The following PCLO variants were observed in gnomAD, a reference collection of about 807,000 sequenced individuals.
The protein encoded by PCLO is piccolo presynaptic cytomatrix protein, also known as protein piccolo.
Under a neutral mutation model 427.5 loss-of-function variants are expected in PCLO, and 82 were observed. The ratio of observed to expected loss-of-function variants is 0.19; its 90% CI spans 0.16 to 0.23. The LOEUF is 0.23. Among genes scored for constraint, PCLO ranks in the 10% least tolerant of loss-of-function variants. The pLI, the probability that PCLO is intolerant of heterozygous loss-of-function variation, is 1.00. For synonymous variants in PCLO, 2,357 were observed against 2,155.4 expected, an observed-to-expected ratio of 1.09 and a Z score of -2.59; for missense variants, 6,239 against 6,115.9, an observed-to-expected ratio of 1.02 and a Z score of -0.67.
intron 3 of PCLO, among the ~76,000 whole-genome samples, chr7:83,082,117 AC>A (rs1204387107): frequency 6.9e-6 from 1 of 144,828 alleles, no homozygotes; most frequent in Admixed American, 6.9e-5. Context: ...CCTATACTAT[AC>A]ACACACACAC....
At chr7:82,935,194 TAAAAAAAAAAAA>T (rs528188502) in intron 6 of PCLO, among the ~76,000 whole-genome samples, 3 of 84,230 alleles carry the variant, frequency 3.6e-5, no homozygotes, top group Non-Finnish European at 7.0e-5. Context: ...CCTGGTATAC[TAAAAAAAAAAAA>T]AAAAAAAAAA....
intron 22 of PCLO, among the ~76,000 whole-genome samples, chr7:82,776,359 A>C (rs919260106): frequency 3.9e-5 from 6 of 152,164 alleles, no homozygotes; most frequent in Non-Finnish European, 5.9e-5. Context: ...TTGGGAGGCC[A>C]ACGCCAGCAG....
chr7:83,136,419 GCT>G (rs1791731280), intron 2 of PCLO, among the ~76,000 whole-genome samples: 1 of 151,976 alleles, frequency 6.6e-6, no homozygotes, highest in Non-Finnish European at 1.5e-5. Context: ...TCTATTGATG[GCT>G]CATAATCAAT....
chr7:83,036,443 C>T (rs1466804528), intron 3 of PCLO, among the ~76,000 whole-genome samples: 1 of 152,122 alleles, frequency 6.6e-6, no homozygotes, highest in Non-Finnish European at 1.5e-5. Context: ...CTAGATTAGG[C>T]TATCATCTAT....
intron 20 of PCLO, among the ~76,000 whole-genome samples, chr7:82,818,508 T>C (rs1791722662): frequency 6.6e-6 from 1 of 152,100 alleles, no homozygotes; most frequent in East Asian, 1.9e-4. Flanking sequence ...GCAGAGAGTA[T>C]AAATGGAATT....
chr7:83,038,029 A>ATATATC (rs1788855213), intron 3 of PCLO, among the ~76,000 whole-genome samples: 1 of 36,496 alleles, frequency 2.7e-5, no homozygotes, highest in African/African-American at 1.9e-4. Context: ...ATATATATAT[A>ATATATC]TTTATATATT....
At chr7:83,096,728 C>A (rs1790548234) in intron 3 of PCLO, among the ~76,000 whole-genome samples, 1 of 98,004 alleles carries the variant, frequency 1.0e-5, no homozygotes, top group African/African-American at 3.7e-5. Context: ...AAATGGAAAG[C>A]TCCAATCTTT....
At chr7:82,837,067 A>G (rs1296503369) in intron 15 of PCLO, among the ~76,000 whole-genome samples, 1 of 152,094 alleles carries the variant, frequency 6.6e-6, no homozygotes, top group African/African-American at 2.4e-5. Flanking sequence ...AGAGGCAACC[A>G]AACAATTATT....
intron 6 of PCLO, among the ~76,000 whole-genome samples, chr7:82,941,636 T>C (rs1335710129): frequency 1.3e-5 from 2 of 152,168 alleles, no homozygotes; most frequent in Non-Finnish European, 2.9e-5. Flanking sequence ...ACTATGAAAG[T>C]ATCGTTTTAA....
intron 3 of PCLO, among the ~76,000 whole-genome samples, chr7:83,033,330 ATAGT>A (rs1389318226): frequency 6.6e-6 from 1 of 152,208 alleles, no homozygotes; most frequent in Non-Finnish European, 1.5e-5. Flanking sequence ...TCTAAAAATG[ATAGT>A]TATATTACCT....
At chr7:82,826,726 AC>A in intron 17 of PCLO, 66 bp from the exon 18 acceptor site, 1 of 923,688 alleles carries the variant, frequency 1.1e-6, no homozygotes, top group African/African-American at 1.7e-5. Context: ...TTACACACAT[AC>A]AGTAGACATA....
In PCLO at chr7:82,915,813, C is replaced by A; in HGVS notation, c.12173G>T (p.Gly4058Val). The A allele has an allele frequency of 1.2e-6, 2 of 1,613,212 alleles. No homozygotes were observed. Among genetic ancestry groups the A allele is most frequent in the Non-Finnish European group, 1.7e-6 (2 of 1,179,568 alleles). ...AAATGCGGTGCTTAATGCCGCTGTT[C>A]CTTTGGTGATCTCTCCAATGTCGTC... is the stretch of plus-strand genomic sequence containing the variant. ...LIDDIGEITK[G>V]TAALSTAFSL... The change falls in exon 7 of 25, where the codon GGA (glycine) becomes GTA (valine). Residue 4058 changes from glycine to valine, a missense_variant. Physicochemically the swap from Gly to Val is moderately radical, Grantham distance 109. Transcript: ENST00000333891.
intron 22 of PCLO, among the ~76,000 whole-genome samples, chr7:82,785,853 C>T (rs377356701): frequency 4.7e-4 from 72 of 152,128 alleles, no homozygotes; most frequent in African/African-American, 1.6e-3. Context: ...TTTGATATAA[C>T]CAGATGTAAA....
intron 3 of PCLO, among the ~76,000 whole-genome samples, chr7:83,073,076 T>G (rs1789859775): frequency 6.6e-6 from 1 of 152,024 alleles, no homozygotes; most frequent in Non-Finnish European, 1.5e-5. Context: ...ACTTGGACAA[T>G]TGTTAAGGTT....
At chr7:83,009,627 T>C (rs572206976) in intron 3 of PCLO, among the ~76,000 whole-genome samples, 18 of 151,972 alleles carry the variant, frequency 1.2e-4, no homozygotes, top group Non-Finnish European at 1.8e-4. Flanking sequence ...AAAGCTCGTA[T>C]CAAATTGAAT....
intron 22 of PCLO, among the ~76,000 whole-genome samples, chr7:82,776,319 G>A (rs758714607): frequency 7.9e-5 from 12 of 152,074 alleles, no homozygotes; most frequent in Non-Finnish European, 1.3e-4. Flanking sequence ...TGGGCCGGGC[G>A]TGGTGGCTCA....
chr7:83,122,556 G>A (rs1409125559), intron 3 of PCLO, among the ~76,000 whole-genome samples: 2 of 152,080 alleles, frequency 1.3e-5, no homozygotes, highest in Admixed American at 6.5e-5. Flanking sequence ...AAAGTGCTGG[G>A]ATTACAGTGG....
intron 3 of PCLO, among the ~76,000 whole-genome samples, chr7:83,050,437 T>C (rs1195043055): frequency 6.6e-6 from 1 of 151,858 alleles, no homozygotes; most frequent in Admixed American, 6.6e-5. Context: ...TCTACTTTTA[T>C]TCCTTGACAT....
chr7:82,942,364 C>T (rs532723790), intron 6 of PCLO, among the ~76,000 whole-genome samples: 69 of 152,162 alleles, frequency 4.5e-4, no homozygotes, highest in African/African-American at 1.5e-3. Context: ...AGTCTTTCAA[C>T]GAACAATAAG....
Sources: gnomAD v4.1 joint callset for allele counts (sites outside exome capture counted in the v4.1 genomes callset) on GRCh38, gnomAD v4.1.1 for gene constraint, MANE v1.5 for transcripts, NCBI Gene and HGNC (gene_info 2026-07-23, HGNC 2026-07-21) for gene names.